ASTN2: variants seen among roughly 807,000 people sequenced by gnomAD.
The protein encoded by ASTN2 is astrotactin-2.
A neutral mutation model predicts 139.8 loss-of-function variants in ASTN2; 54 were observed. The observed-to-expected ratio is 0.39, with a 90% CI of 0.31 to 0.48. The LOEUF (loss-of-function observed/expected upper bound fraction) is 0.48. Ranked by LOEUF, ASTN2 falls within the 20% of genes least tolerant of loss-of-function variation. The pLI is 0.95. For missense variants in ASTN2, 1,565 were observed against 1,725.1 expected (o/e 0.91, Z 1.64); for synonymous variants, 756 against 719.5 (o/e 1.05, Z -0.81).
chr9:116,851,560 A>G (rs1832608441), intron 11 of ASTN2, among the ~76,000 whole-genome samples: 1 of 152,008 alleles, frequency 6.6e-6, no homozygotes, highest in East Asian at 1.9e-4. Flanking sequence ...AGGACATGTC[A>G]AAATGTTAGT....
Position 116,976,161 on chromosome 9 carries a change from C to G in ASTN2, c.1704G>C (p.Arg568Ser). ...GCTCCCCTGTCACCAGATCATAGCCCCTCTCAAGTGTCGTGTAGGGCCAAG... is the reference window on the plus strand; with the variant it reads ...GCTCCCCTGTCACCAGATCATAGCCGCTCTCAAGTGTCGTGTAGGGCCAAG... ...EGPWPYTTLE[R>S]GYDLVTGEQA... Residue 568 changes from arginine (R) to serine (S), a missense_variant, in exon 9 of 23, where the codon AGG becomes AGC. This residue lies in a region of ASTN2 where 503 missense variants were observed against 591.7 expected (regional missense o/e 0.85). Transcript: ENST00000313400. 4 of 1,614,120 alleles carry G rather than the reference C, an allele frequency of 2.5e-6. No individual in the cohort carries two copies. The highest frequency in any genetic ancestry group is 2.5e-6 in the Non-Finnish European group (3 of 1,180,008).
chr9:116,981,052 TG>T (rs1836500301), intron 7 of ASTN2, among the ~76,000 whole-genome samples: 1 of 152,160 alleles, frequency 6.6e-6, no homozygotes, highest in South Asian at 2.1e-4. Flanking sequence ...CTGCATTGCC[TG>T]GTACAGAGTA....
intron 19 of ASTN2, among the ~76,000 whole-genome samples, chr9:116,536,905 C>A (rs989347335): frequency 3.2e-4 from 49 of 152,220 alleles, no homozygotes; most frequent in Non-Finnish European, 5.3e-4. Context: ...ACATTTAAGT[C>A]TACAGAGGTT....
chr9:116,581,570 T>C (rs1376281269), intron 19 of ASTN2, among the ~76,000 whole-genome samples: 1 of 152,212 alleles, frequency 6.6e-6, no homozygotes, highest in African/African-American at 2.4e-5. Flanking sequence ...ATATTCTTCC[T>C]TAGTTCTGGT....
At chr9:116,652,586 C>T (rs1857980352) in intron 16 of ASTN2, among the ~76,000 whole-genome samples, 1 of 152,084 alleles carries the variant, frequency 6.6e-6, no homozygotes, top group African/African-American at 2.4e-5. Flanking sequence ...TCTGAAATCT[C>T]AGTTCTGCTT....
rs143581371 is a variant in ASTN2, at chr9:117,356,889, C to G, written c.442+57608G>C. ...ACCAGCCTGGCCAACATGGTGAAAC[C>G]CTGTCTCTACTAAAAATACAAAAAT... On this transcript the variant is annotated intron_variant, in intron 1 of 22. Transcript: ENST00000313400. Among the ~76,000 whole-genome samples, 508 of 152,052 alleles carry G rather than the reference C, an allele frequency of 3.3e-3. 2 individuals carry two copies. Among genetic ancestry groups the G allele is most frequent in the African/African-American group, 0.012 (498 of 41,486 alleles).
intron 9 of ASTN2, 122 bp downstream of exon 9, chr9:116,975,992 T>C: frequency 1.1e-6 from 1 of 886,048 alleles, no homozygotes; most frequent in Non-Finnish European, 1.8e-6. Flanking sequence ...GGGAGAGTTC[T>C]TTTGTACTCA....
At chr9:117,289,004 G>T (rs148792299) in intron 2 of ASTN2, among the ~76,000 whole-genome samples, 1 of 152,104 alleles carries the variant, frequency 6.6e-6, no homozygotes, top group Non-Finnish European at 1.5e-5. Context: ...CAAGACAAAG[G>T]GCTCATACCC....
intron 1 of ASTN2, among the ~76,000 whole-genome samples, chr9:117,408,627 G>A (rs548531204): frequency 3.3e-4 from 51 of 152,250 alleles, no homozygotes; most frequent in Non-Finnish European, 5.6e-4. Flanking sequence ...AAATCACAGA[G>A]TAATTTTGCA....
At chr9:117,121,575 C>T (rs1197284737) in intron 4 of ASTN2, among the ~76,000 whole-genome samples, 9 of 152,164 alleles carry the variant, frequency 5.9e-5, no homozygotes, top group African/African-American at 1.9e-4. Flanking sequence ...GATCACAGAA[C>T]AGGAAAAGGT....
intron 1 of ASTN2, among the ~76,000 whole-genome samples, chr9:117,400,148 T>A (rs1369422427): frequency 6.6e-6 from 1 of 152,194 alleles, no homozygotes; most frequent in African/African-American, 2.4e-5. Flanking sequence ...CTTACAATAT[T>A]AATCTTCCCT....
chr9:117,350,840 G>A (rs772047414), intron 1 of ASTN2, among the ~76,000 whole-genome samples: 10 of 152,230 alleles, frequency 6.6e-5, no homozygotes, highest in Admixed American at 1.3e-4. Flanking sequence ...CTAGAAGTTC[G>A]GTGAGCTGGG....
intron 19 of ASTN2, among the ~76,000 whole-genome samples, chr9:116,527,023 C>A (rs1452768268): frequency 6.6e-6 from 1 of 152,164 alleles, no homozygotes; most frequent in Non-Finnish European, 1.5e-5. Context: ...ACTCTCACAT[C>A]ATGTACAAAA....
chr9:117,109,645 T>G (rs1829200712), intron 4 of ASTN2, among the ~76,000 whole-genome samples: 1 of 152,200 alleles, frequency 6.6e-6, no homozygotes, highest in African/African-American at 2.4e-5. Flanking sequence ...TCTGACAGAA[T>G]CAGAATGAAC....
At chr9:116,655,109 C>T (rs949587549) in intron 16 of ASTN2, among the ~76,000 whole-genome samples, 5 of 152,120 alleles carry the variant, frequency 3.3e-5, no homozygotes, top group African/African-American at 1.2e-4. Flanking sequence ...AAACCTATTA[C>T]CAAAATAAGG....
At chr9:116,588,628 T>C (rs1040528792) in intron 19 of ASTN2, among the ~76,000 whole-genome samples, 2 of 144,642 alleles carry the variant, frequency 1.4e-5, no homozygotes, top group African/African-American at 5.2e-5. Context: ...AATGGGATGA[T>C]ACACTTCCTA....
chr9:117,397,133 G>A lies in ASTN2; in HGVS notation c.442+17364C>T, dbSNP rs190077880. ...ATTTTTTGTATTTTTAATAGAGACG[G>A]TGTTTCACCATGCTGGCCAGGTTGT... On this transcript the variant is annotated intron_variant, in intron 1 of 22. Transcript: ENST00000313400. 1.4e-3 allele frequency among the ~76,000 whole-genome samples: 218 copies of A among 151,990 alleles called. 2 individuals are homozygous for A. Among genetic ancestry groups the A allele is most frequent in the African/African-American group, 4.8e-3 (198 of 41,462 alleles).
intron 19 of ASTN2, among the ~76,000 whole-genome samples, chr9:116,541,507 T>C (rs1055088967): frequency 1.3e-5 from 2 of 152,180 alleles, no homozygotes; most frequent in Non-Finnish European, 2.9e-5. Context: ...TCATAGTTAA[T>C]TGGACTGAGA....
At chr9:116,767,921 C>G (rs1829851987) in intron 13 of ASTN2, among the ~76,000 whole-genome samples, 1 of 152,190 alleles carries the variant, frequency 6.6e-6, no homozygotes, top group South Asian at 2.1e-4. Context: ...CTTCCATAAG[C>G]AACCCATGCA....
Sources: gnomAD v4.1 joint callset for allele counts (sites outside exome capture counted in the v4.1 genomes callset) on GRCh38, gnomAD v4.1.1 for gene constraint, gnomAD v4.1.1 regional missense constraint, MANE v1.5 for transcripts, NCBI Gene and HGNC (gene_info 2026-07-23, HGNC 2026-07-21) for gene names.